Variants in PIGQ observed in about 807,000 individuals in gnomAD.
The protein encoded by PIGQ is phosphatidylinositol N-acetylglucosaminyltransferase subunit Q.
In PIGQ, 54 loss-of-function variants were observed where a neutral mutation model predicts 60.3. That is an observed-to-expected ratio of 0.90 (90% confidence interval 0.72 to 1.12). The LOEUF (loss-of-function observed/expected upper bound fraction) is 1.12. Ranked by LOEUF, PIGQ falls within the 50% of genes most tolerant of loss-of-function variation. The probability of loss-of-function intolerance (pLI) is 0.00; values close to 1 mark genes in which losing one functional copy is unlikely to be tolerated. For synonymous variants in PIGQ, 416 were observed against 363.7 expected, an observed-to-expected ratio of 1.14 and a Z score of -1.64; for missense variants, 799 against 793.5, an observed-to-expected ratio of 1.01 and a Z score of -0.08.
intron 9 of PIGQ, 138 bp downstream of exon 9, chr16:581,110 G>T: frequency 2.1e-6 from 3 of 1,415,834 alleles, no homozygotes. Context: ...AGCGGGCAGG[G>T]AGGACAGGGC....
At position 577,450 on chromosome 16, in the gene PIGQ, A is replaced by G. The variant is rs556945935; in HGVS notation, c.943-929A>G. ...AAATTAGCCAGGTATGGTGGTGGGC[A>G]CCTGTAGTCCCAGCTAATTGGGAGG... On this transcript the variant is annotated intron_variant, in intron 4 of 10. Transcript: ENST00000321878. Among the ~76,000 whole-genome samples, 458 of 151,976 alleles carry G rather than the reference A, an allele frequency of 3.0e-3. 2 individuals are homozygous for G. Among genetic ancestry groups the G allele is most frequent in the Non-Finnish European group, 5.3e-3 (362 of 67,956 alleles).
rs768395838 is a variant in PIGQ, at chr16:574,439, G to A, written c.365G>A (p.Gly122Asp). Residue 122 changes from glycine to aspartate, a missense_variant, in exon 2 of 11, where the codon GGT becomes GAT. By Grantham distance (94) the Gly-to-Asp change is moderately conservative. Coordinates refer to ENST00000321878, the MANE Select transcript of PIGQ (RefSeq NM_004204.5). ...RQAPTAPGAP[G>D]EDQVMLIFYD... Reference sequence around the variant, plus strand: ...GCGCCCACTGCCCCCGGTGCCCCTGGTGAGGACCAGGTCATGCTCATCTTC... The same window carrying A: ...GCGCCCACTGCCCCCGGTGCCCCTGATGAGGACCAGGTCATGCTCATCTTC... 3.1e-6 allele frequency: 5 copies of A among 1,610,924 alleles called. No individual in the cohort carries two copies. The highest frequency in any genetic ancestry group is 4.2e-6 in the Non-Finnish European group (5 of 1,179,226).
Position 583,474 on chromosome 16 carries a change from C to T in PIGQ, c.*439C>T. On this transcript the variant is annotated 3_prime_UTR_variant, in exon 11 of 11. Coordinates refer to ENST00000321878, the MANE Select transcript of PIGQ (RefSeq NM_004204.5). Reference sequence around the variant, plus strand: ...GTGGAGGGACCTTGCCAGGATGAACCCCCCAGTCCCAGGCACCCTCTAGCT... The same window carrying T: ...GTGGAGGGACCTTGCCAGGATGAACTCCCCAGTCCCAGGCACCCTCTAGCT... The T allele has an allele frequency of 6.2e-7, 1 of 1,612,672 alleles. No individual in the cohort carries two copies. Among genetic ancestry groups the T allele is most frequent in the East Asian group, 2.2e-5 (1 of 44,880 alleles).
rs770436948 is a variant in PIGQ, at chr16:580,882, C to G, written c.1441C>G (p.Gln481Glu). ...TLLRLLVVAV[Q>E]GLIHLLVDLI... is the part of the protein sequence containing the mutation. ...GCTCCGGCTCCTGGTGGTCGCCGTG[C>G]AGGGCCTGATCCATCTGCTCGTGGA... The change falls in exon 9 of 11, where the codon CAG becomes GAG. Residue 481 changes from glutamine (Q) to glutamate (E), a missense_variant. Gln to Glu is a conservative substitution (Grantham distance 29). Transcript: ENST00000321878. 2 of 1,575,476 alleles carry G rather than the reference C, an allele frequency of 1.3e-6. No homozygotes were observed. Among genetic ancestry groups the G allele is most frequent in the Admixed American group, 1.7e-5 (1 of 59,804 alleles).
In PIGQ at chr16:574,229, T is replaced by A. The variant is rs1358942096; in HGVS notation, c.155T>A (p.Val52Glu). ...CAGGTCAAGCAGCTCCTGGCCCAGG[T>A]GCGGCAGGCCAGCCAGGTGGGCGTG... Reference protein sequence around the residue: ...PIQVKQLLAQVRQASQVGVAV... With the variant: ...PIQVKQLLAQERQASQVGVAV... The change falls in exon 2 of 11, where the codon GTG becomes GAG. Residue 52 changes from valine to glutamate, a missense_variant. Val to Glu is a moderately radical substitution (Grantham distance 121). Coordinates refer to ENST00000321878, the MANE Select transcript of PIGQ (RefSeq NM_004204.5). 6.2e-7 allele frequency: 1 copy of A among 1,611,280 alleles called. No homozygotes were observed. The highest frequency in any genetic ancestry group is 8.5e-7 in the Non-Finnish European group (1 of 1,179,710).
chr16:576,026 C>T (rs1262633551), intron 3 of PIGQ, 56 bp downstream of exon 3: 1 of 1,551,874 alleles, frequency 6.4e-7, no homozygotes, highest in South Asian at 1.2e-5. Context: ...GGCCCCTTCT[C>T]CATCCCCCTC....
At position 578,514 on chromosome 16, in the gene PIGQ, A is replaced by T. The variant is rs2035757430; in HGVS notation, c.1069+9A>T. 6.2e-7 allele frequency: 1 copy of T among 1,609,610 alleles called. No homozygotes were observed. Among genetic ancestry groups the T allele is most frequent in the Non-Finnish European group, 8.5e-7 (1 of 1,178,102 alleles). ...CATCCACCTGTGGATCAGTGAGTGC[A>T]GGGCAGGCGGGGGCCCCAGGGACCC... is the stretch of plus-strand genomic sequence containing the variant. On this transcript the variant is annotated intron_variant, in intron 5 of 10. Coordinates refer to ENST00000321878, the MANE Select transcript of PIGQ (RefSeq NM_004204.5).
At chr16:579,226 T>A (rs1290752723) in intron 7 of PIGQ, 46 bp downstream of exon 7, 1 of 1,498,946 alleles carries the variant, frequency 6.7e-7, no homozygotes. Flanking sequence ...GCCTCCGGCC[T>A]GTGCCCGCTG....
rs746487914 is a variant in PIGQ, at chr16:580,182, G to T, written c.1336-1G>T. The T allele has an allele frequency of 6.2e-7, 1 of 1,610,354 alleles. No homozygotes were observed. Among genetic ancestry groups the T allele is most frequent in the Admixed American group, 1.7e-5 (1 of 59,856 alleles). On this transcript the variant is annotated splice_acceptor_variant, in intron 7 of 10. Transcript: ENST00000321878. LOFTEE classifies it high-confidence loss of function. The stretch of plus-strand genomic sequence containing the variant: ...CCCGGTGTGCTGGCCCCTCCCTACA[G>T]CTGTTCATCGGGACTCTGCTCTTCA...
intron 4 of PIGQ, chr16:578,078 C>T (rs961584019): frequency 2.0e-5 from 6 of 300,612 alleles, no homozygotes; most frequent in South Asian, 8.4e-5. Context: ...GTCCTGTGGC[C>T]GAGGTAGTGA....
rs1215932903 is a variant in PIGQ at position 580,846 on chromosome 16, C to T, written c.1417-12C>T. 2 of 1,266,544 alleles carry T rather than the reference C, an allele frequency of 1.6e-6. No individual in the cohort carries two copies. Among genetic ancestry groups the T allele is most frequent in the African/African-American group, 1.5e-5 (1 of 68,472 alleles). 78.5% of individuals were successfully genotyped at this position (1,266,544 alleles called of 1,614,324 possible). A position where few individuals can be genotyped will look rare whatever the true frequency, so the allele number is the denominator to read the frequency against. ...TCTGGCCGGGCCGGTCCTAAATGCT[C>T]CTCTGCCACAGCTCCGGCTCCTGGT... On this transcript the variant is annotated splice_polypyrimidine_tract_variant and intron_variant, in intron 8 of 10. Coordinates refer to ENST00000321878, the MANE Select transcript of PIGQ (RefSeq NM_004204.5).
Position 574,512 on chromosome 16 carries a change from C to G in PIGQ, c.438C>G (p.Val146=). The change falls in exon 2 of 11, where the codon GTC becomes GTG. Residue 146 remains valine (V), a synonymous_variant. Coordinates refer to ENST00000321878, the MANE Select transcript of PIGQ (RefSeq NM_004204.5). ...VLLSQLHLPT[V]LPDRQAGATT... ...TGTCACAGCTACACCTGCCCACCGT[C>G]CTGCCCGACCGCCAGGCTGGAGCCA... 2 of 1,607,930 alleles carry G rather than the reference C, an allele frequency of 1.2e-6. No individual in the cohort carries two copies. The highest frequency in any genetic ancestry group is 2.2e-5 in the South Asian group (2 of 90,200).
intron 9 of PIGQ, chr16:581,196 C>G: frequency 7.0e-7 from 1 of 1,431,368 alleles, no homozygotes; most frequent in Non-Finnish European, 9.2e-7. Flanking sequence ...ACCTGCCGCG[C>G]AGGTTCAGAA....
chr16:582,458 C>T (rs921532513), intron 10 of PIGQ, 149 bp downstream of exon 10: 65 of 618,272 alleles, frequency 1.1e-4, no homozygotes, highest in East Asian at 9.2e-4. Context: ...AAGGCCCACG[C>T]GGGACCCCCT....
At chr16:581,285 G>A (rs371872769) in intron 9 of PIGQ, 2 of 1,331,422 alleles carry the variant, frequency 1.5e-6, no homozygotes, top group East Asian at 9.0e-5. Flanking sequence ...CTGCAGGCCA[G>A]GGGCCAAGCG....
At chr16:580,817 C>T (rs747181939) in intron 8 of PIGQ, 41 bp from the exon 9 acceptor site, 33 of 892,042 alleles carry the variant, frequency 3.7e-5, no homozygotes, top group Non-Finnish European at 5.1e-5. Context: ...TGCCCCCAGG[C>T]GCGTCTGGCC....
intron 1 of PIGQ, among the ~76,000 whole-genome samples, chr16:572,962 C>T (rs952919072): frequency 3.9e-5 from 6 of 152,342 alleles, no homozygotes; most frequent in Admixed American, 6.5e-5. Flanking sequence ...TTCGTGCAGG[C>T]GAGATGGGGC....
rs904954271 is a variant in PIGQ, at chr16:578,772, C to G, written c.1070-13C>G. The G allele has an allele frequency of 6.2e-7, 1 of 1,611,684 alleles. No individual in the cohort carries two copies. The highest frequency in any genetic ancestry group is 8.5e-7 in the Non-Finnish European group (1 of 1,178,536). On this transcript the variant is annotated splice_polypyrimidine_tract_variant and intron_variant, in intron 5 of 10. Coordinates refer to ENST00000321878, the MANE Select transcript of PIGQ (RefSeq NM_004204.5). Reference sequence around the variant, plus strand: ...GTCTGAGCGCCTCCTGAGGGCCTACCCCACCCTGCCAGGCTACATCCACCT... The same window carrying G: ...GTCTGAGCGCCTCCTGAGGGCCTACGCCACCCTGCCAGGCTACATCCACCT...
At chr16:580,488 T>C (rs1306772534) in intron 8 of PIGQ, 5 of 550,896 alleles carry the variant, frequency 9.1e-6, no homozygotes, top group Non-Finnish European at 1.6e-5. Flanking sequence ...GCTGGGTGCG[T>C]GGTGGAAGGA....
Sources: allele counts gnomAD v4.1 joint callset (sites outside exome capture counted in the v4.1 genomes callset), GRCh38; gene constraint gnomAD v4.1.1; transcripts MANE v1.5; gene names NCBI Gene and HGNC (gene_info 2026-07-23, HGNC 2026-07-21).